The following DIXDC1 variants were observed in gnomAD, a reference collection of about 807,000 sequenced individuals.
DIXDC1 encodes DIX domain containing 1.
DIXDC1 carries 64 observed loss-of-function variants against 103.1 expected under a neutral mutation model. That is an observed-to-expected ratio of 0.62 (90% CI 0.51 to 0.76). DIXDC1 has a LOEUF of 0.76. DIXDC1 is among the 30% of genes least tolerant of loss of function. The pLI, the probability that DIXDC1 is intolerant of heterozygous loss-of-function variation, is 0.00. For synonymous variants in DIXDC1, 266 were observed against 298.5 expected (o/e 0.89, Z 1.12); for missense variants, 759 against 834.2 (o/e 0.91, Z 1.11).
At chr11:111,943,487 C>CTTTTTTTTTTT (rs1161024928) in intron 1 of DIXDC1, among the ~76,000 whole-genome samples, 109 of 113,440 alleles carry the variant, frequency 9.6e-4, no homozygotes, top group African/African-American at 2.6e-3. Context: ...TTCTTTCTCT[C>CTTTTTTTTTTT]TTTTTTTTTT....
intron 19 of DIXDC1, among the ~76,000 whole-genome samples, 160 bp from the exon 20 acceptor site, chr11:112,018,791 AAAAAT>A (rs1401825646): frequency 3.3e-5 from 5 of 152,378 alleles, no homozygotes; most frequent in African/African-American, 1.2e-4. Flanking sequence ...GATCTAAGAA[AAAAAT>A]AAAATATCAG....
intron 2 of DIXDC1, among the ~76,000 whole-genome samples, chr11:111,930,668 G>A: frequency 6.6e-6 from 1 of 151,862 alleles, no homozygotes; most frequent in East Asian, 1.9e-4. Context: ...GCTCACCCCT[G>A]CCCCCCACAT....
At chr11:111,989,993 T>G (rs1265394665) in intron 10 of DIXDC1, among the ~76,000 whole-genome samples, 2 of 151,440 alleles carry the variant, frequency 1.3e-5, no homozygotes, top group African/African-American at 4.9e-5. Flanking sequence ...GGTTTCACCG[T>G]GTTAGCCAGG....
chr11:111,996,350 G>T (rs1555175404), intron 17 of DIXDC1: 1 of 441,806 alleles, frequency 2.3e-6, no homozygotes, highest in Non-Finnish European at 4.0e-6. Flanking sequence ...ATTTAGCCAC[G>T]TGCAGGCAGG....
Position 111,977,464 on chromosome 11 carries a change from AG to A in DIXDC1, c.656+2485del. On this transcript the variant is annotated intron_variant, in intron 5 of 19. Transcript: ENST00000440460. The surrounding 1 kb of genome is among the most constrained non-coding windows in gnomAD (Gnocchi z 6.1). ...CCGCGGAGGCCAAGATGCAGCGGCC[AG>A]GGGCCGGCAGCCTGCGAGGGGAGGC... 7.8e-7 allele frequency: 1 copy of A among 1,283,958 alleles called. No homozygotes were observed. The highest frequency in any genetic ancestry group is 9.8e-7 in the Non-Finnish European group (1 of 1,015,592). 79.5% of individuals were successfully genotyped at this position (1,283,958 alleles called of 1,614,324 possible). A position where few individuals can be genotyped will look rare whatever the true frequency, so the allele number is the denominator to read the frequency against.
In DIXDC1 at chr11:111,977,602, C is replaced by T; in HGVS notation, c.656+2619C>T. 13 of 1,517,296 alleles carry T rather than the reference C, an allele frequency of 8.6e-6. No individual in the cohort carries two copies. Among genetic ancestry groups the T allele is most frequent in the South Asian group, 1.2e-5 (1 of 80,818 alleles). The allele number at this position is 1,517,296 out of a possible 1,614,324, so 94.0% of individuals were successfully genotyped here. A position where few individuals can be genotyped will look rare whatever the true frequency, so the allele number is the denominator to read the frequency against. ...GAGACGCCGCCGCCGCCGCCGTTCCCGCTTTCTCCCGCGAGCCGGGCCAGT... is the reference window on the plus strand; with the variant it reads ...GAGACGCCGCCGCCGCCGCCGTTCCTGCTTTCTCCCGCGAGCCGGGCCAGT... On this transcript the variant is annotated intron_variant, in intron 5 of 19. Transcript: ENST00000440460. This position sits in a 1 kb window ranked among gnomAD's most constrained non-coding sequence, Gnocchi z 6.1.
intron 1 of DIXDC1, among the ~76,000 whole-genome samples, chr11:111,962,619 T>A (rs1407859593): frequency 2.0e-5 from 3 of 152,024 alleles, no homozygotes; most frequent in Admixed American, 6.6e-5. Context: ...GGAGAACAGG[T>A]GAAGGCTAGC....
intron 17 of DIXDC1, among the ~76,000 whole-genome samples, chr11:112,001,448 A>T (rs1261546196): frequency 6.6e-6 from 1 of 152,226 alleles, no homozygotes; most frequent in Non-Finnish European, 1.5e-5. Context: ...AATGGTTAAA[A>T]TGGTGAATTT....
Position 111,982,492 on chromosome 11 carries a change from CTCTCTCCCT to C in DIXDC1, c.918+7_918+15del, listed in dbSNP as rs1161924110. Reference sequence around the variant, plus strand: ...AAAATGATATCAGGACTACAGGTAGCTCTCTCCCTTGTAGTTTGCCCTTGTTATACCAAT... The same window carrying C: ...AAAATGATATCAGGACTACAGGTAGCTGTAGTTTGCCCTTGTTATACCAAT... On this transcript the variant is annotated splice_donor_region_variant and intron_variant, in intron 7 of 19. Transcript: ENST00000440460. 1.9e-6 allele frequency: 3 copies of C among 1,612,216 alleles called. No individual in the cohort carries two copies. Among genetic ancestry groups the C allele is most frequent in the Non-Finnish European group, 2.5e-6 (3 of 1,179,210 alleles).
At chr11:112,010,043 C>T (rs1402554815) in intron 17 of DIXDC1, among the ~76,000 whole-genome samples, 2 of 150,246 alleles carry the variant, frequency 1.3e-5, no homozygotes, top group Non-Finnish European at 2.9e-5. Flanking sequence ...GATGACATGA[C>T]TATATATTTA....
chr11:111,999,017 T>C lies in DIXDC1; in HGVS notation c.1756+2871T>C, dbSNP rs1469275812. ...CACAGTGTGTGACCATGGGCAAGAA[T>C]GTTAATGTCACTGAATCTTAGTTTC... On this transcript the variant is annotated intron_variant, in intron 17 of 19. Coordinates refer to ENST00000440460, the MANE Select transcript of DIXDC1 (RefSeq NM_001037954.4). Among the ~76,000 whole-genome samples, 7 of 152,214 alleles carry C rather than the reference T, an allele frequency of 4.6e-5. No individual in the cohort carries two copies. In the East Asian group the frequency reaches 9.6e-4, roughly 21 times the overall value.
At chr11:111,973,169 A>C (rs1336657281) in intron 3 of DIXDC1, among the ~76,000 whole-genome samples, 1 of 151,470 alleles carries the variant, frequency 6.6e-6, no homozygotes, top group Non-Finnish European at 1.5e-5. Flanking sequence ...TCATGAGTTC[A>C]AGACCAGCCT....
At chr11:111,930,036 T>C in intron 2 of DIXDC1, 1 of 869,420 alleles carries the variant, frequency 1.2e-6, no homozygotes, top group South Asian at 2.0e-5. Context: ...TATTTGTCTT[T>C]TTTTTTGCTT....
chr11:111,980,047 A>T (rs75067014), intron 5 of DIXDC1, among the ~76,000 whole-genome samples: 3 of 152,226 alleles, frequency 2.0e-5, no homozygotes, highest in Non-Finnish European at 4.4e-5. Context: ...TAACTTTTTG[A>T]TAGGAATAAA....
At position 112,021,405 on chromosome 11, in the gene DIXDC1, G is replaced by A. The variant is rs1242755275; in HGVS notation, c.*2369G>A. 1 of 152,126 alleles carries A rather than the reference G, an allele frequency of 6.6e-6. No individual in the cohort carries two copies. The highest frequency in any genetic ancestry group is 1.5e-5 in the Non-Finnish European group (1 of 68,040). The allele number at this position is 152,126 out of a possible 1,614,324, so 9.4% of individuals were successfully genotyped here. A position where few individuals can be genotyped will look rare whatever the true frequency, so the allele number is the denominator to read the frequency against. Reference sequence around the variant, plus strand: ...CATTCCAGTTTCCAAAGCGAGAGGAGCCTTCTGAGCAGAAGTATGCAAGAC... The same window carrying A: ...CATTCCAGTTTCCAAAGCGAGAGGAACCTTCTGAGCAGAAGTATGCAAGAC... On this transcript the variant is annotated 3_prime_UTR_variant, in exon 20 of 20. Transcript: ENST00000440460.
chr11:111,982,393 A>G lies in DIXDC1; in HGVS notation c.824A>G (p.Tyr275Cys), dbSNP rs782806367. Residue 275 changes from tyrosine to cysteine, a missense_variant, in exon 7 of 20, where the codon TAT (tyrosine) becomes TGT (cysteine). By Grantham distance (194) the Tyr-to-Cys change is radical. This residue lies in a region of DIXDC1 where 657 missense variants were observed against 727.5 expected (regional missense o/e 0.90). Transcript: ENST00000440460. ...TGGCGGCCAGGGAGCCCTGGAACCT[A>G]TCTGGAGACCTCATGGGAAGAACAG... The part of the protein sequence containing the change: ...RDWRPGSPGT[Y>C]LETSWEEQLL... 2.5e-6 allele frequency: 4 copies of G among 1,613,870 alleles called. No homozygotes were observed. The highest frequency in any genetic ancestry group is 4.5e-5 in the East Asian group (2 of 44,898).
In DIXDC1 at chr11:111,938,344, C is replaced by T. The variant is rs1440658402; in HGVS notation, c.60+785C>T. Among the ~76,000 whole-genome samples, 3 of 152,176 alleles carry T rather than the reference C, an allele frequency of 2.0e-5. No homozygotes were observed. In the South Asian group the frequency reaches 6.2e-4, roughly 32 times the overall value. On this transcript the variant is annotated intron_variant, in intron 1 of 19. Coordinates refer to ENST00000440460, the MANE Select transcript of DIXDC1 (RefSeq NM_001037954.4). The stretch of plus-strand genomic sequence containing the variant: ...CCTCAAGATTTGCTCCATACGTCTT[C>T]GACTGCAGCTAAGCCCTACTCTTGC...
In DIXDC1 at chr11:112,022,513, C is replaced by T. The variant is rs139734600; in HGVS notation, c.*3477C>T. On this transcript the variant is annotated 3_prime_UTR_variant, in exon 20 of 20. Coordinates refer to ENST00000440460, the MANE Select transcript of DIXDC1 (RefSeq NM_001037954.4). The surrounding 1 kb of genome is among the most constrained non-coding windows in gnomAD (Gnocchi z 4.9). ...CAAAGTGATAACCAGTTTTAACTGC[C>T]GGTATGTACCAGATTTGTGAACTAA... The T allele has an allele frequency of 1.7e-3, 253 of 152,674 alleles. 2 individuals are homozygous for T. The highest frequency in any genetic ancestry group is 5.7e-3 in the African/African-American group (235 of 41,532). 9.5% of individuals were successfully genotyped at this position (152,674 alleles called of 1,614,324 possible).
chr11:111,954,464 A>G (rs191583703), intron 1 of DIXDC1, among the ~76,000 whole-genome samples: 2 of 152,336 alleles, frequency 1.3e-5, no homozygotes, highest in East Asian at 3.9e-4. Context: ...GTCCTAAACT[A>G]TTACAGCTTA....
Sources: gnomAD v4.1 joint callset for allele counts (sites outside exome capture counted in the v4.1 genomes callset) on GRCh38, gnomAD v4.1.1 for gene constraint, gnomAD v4.1.1 regional missense constraint, Gnocchi (gnomAD v3.1) non-coding constraint, MANE v1.5 for transcripts, NCBI Gene and HGNC (gene_info 2026-07-23, HGNC 2026-07-21) for gene names.